LCA5: variants seen among roughly 807,000 people sequenced by gnomAD.
The protein encoded by LCA5 is lebercilin LCA5.
A neutral mutation model predicts 53.0 loss-of-function variants in LCA5; 37 were observed. That is an observed-to-expected ratio of 0.70 (90% CI 0.54 to 0.92). LCA5 has a LOEUF of 0.92. Ranked by LOEUF, LCA5 falls within the 40% of genes least tolerant of loss-of-function variation. The pLI is 0.00. For synonymous variants in LCA5, 303 were observed against 282.9 expected (o/e 1.07, Z -0.71); for missense variants, 806 against 790.5 (o/e 1.02, Z -0.23).
At chr6:79,518,027 A>C (rs575169587) in intron 2 of LCA5, among the ~76,000 whole-genome samples, 1 of 152,296 alleles carries the variant, frequency 6.6e-6, no homozygotes, top group South Asian at 2.1e-4. Context: ...TGTAAACCTT[A>C]CATATTTTGT....
Position 79,513,720 on chromosome 6 carries a change from T to C in LCA5, c.212A>G (p.Lys71Arg), listed in dbSNP as rs745908133. The C allele has an allele frequency of 4.0e-5, 65 of 1,613,478 alleles. No individual in the cohort carries two copies. The highest frequency in any genetic ancestry group is 1.6e-4 in the Middle Eastern group (1 of 6,076). Residue 71 changes from lysine (K) to arginine (R), a missense_variant, in exon 3 of 8, where the codon AAG becomes AGG. Physicochemically the swap from Lys to Arg is conservative, Grantham distance 26. Coordinates refer to ENST00000369846, the MANE Select transcript of LCA5 (RefSeq NM_001122769.3). ...GACTCCCTTTCTGTTTGGTAGACCCTTAGGGCTTGGTTTCCGAGGGGCTAA... is the reference window on the plus strand; with the variant it reads ...GACTCCCTTTCTGTTTGGTAGACCCCTAGGGCTTGGTTTCCGAGGGGCTAA... The part of the protein sequence containing the change: ...HHQAPRKPSP[K>R]GLPNRKGVRV...
intron 2 of LCA5, among the ~76,000 whole-genome samples, chr6:79,515,189 C>T (rs1766391013): frequency 6.6e-6 from 1 of 151,886 alleles, no homozygotes; most frequent in Admixed American, 6.6e-5. Flanking sequence ...TCTATTTACC[C>T]AGCCCATAGA....
intron 1 of LCA5, among the ~76,000 whole-genome samples, chr6:79,525,005 T>C (rs1766739438): frequency 6.6e-6 from 1 of 152,108 alleles, no homozygotes; most frequent in African/African-American, 2.4e-5. Context: ...AACCATCATT[T>C]AAAAAATTAT....
chr6:79,522,754 A>G (rs1766658755), intron 1 of LCA5, among the ~76,000 whole-genome samples: 1 of 152,072 alleles, frequency 6.6e-6, no homozygotes, highest in South Asian at 2.1e-4. Flanking sequence ...TGGCATGATC[A>G]TGGCTTACTG....
intron 1 of LCA5, among the ~76,000 whole-genome samples, chr6:79,525,820 G>A (rs2127687002): frequency 6.6e-6 from 1 of 152,304 alleles, no homozygotes; most frequent in East Asian, 1.9e-4. Context: ...GTGTGGGGGC[G>A]GCAGGAGCCA....
chr6:79,501,768 T>C (rs1453197693), intron 3 of LCA5, among the ~76,000 whole-genome samples: 4 of 151,014 alleles, frequency 2.6e-5, no homozygotes, highest in East Asian at 1.9e-4. Context: ...GTATATACTA[T>C]ACTGAGTTCT....
At chr6:79,532,087 A>C (rs1193844555) in intron 1 of LCA5, among the ~76,000 whole-genome samples, 1 of 152,158 alleles carries the variant, frequency 6.6e-6, no homozygotes, top group Non-Finnish European at 1.5e-5. Flanking sequence ...TAAATGGTAA[A>C]TCCATCCACT....
At chr6:79,502,921 C>A (rs753495965) in intron 3 of LCA5, among the ~76,000 whole-genome samples, 1 of 152,034 alleles carries the variant, frequency 6.6e-6, no homozygotes, top group Admixed American at 6.6e-5. Flanking sequence ...CACTCTGTCG[C>A]GTAGGCTGGA....
chr6:79,511,905 CTTCT>C (rs377677103), intron 3 of LCA5, among the ~76,000 whole-genome samples: 1 of 152,078 alleles, frequency 6.6e-6, no homozygotes, highest in Non-Finnish European at 1.5e-5. Flanking sequence ...CTTCTTATTC[CTTCT>C]TTTTCTTCTC....
At chr6:79,531,910 G>T (rs143714682) in intron 1 of LCA5, among the ~76,000 whole-genome samples, 7 of 152,254 alleles carry the variant, frequency 4.6e-5, no homozygotes, top group Admixed American at 2.6e-4. Context: ...CTCCTTAGGT[G>T]ATTTCATCTA....
At chr6:79,520,259 T>C (rs1766588536) in intron 1 of LCA5, among the ~76,000 whole-genome samples, 1 of 152,088 alleles carries the variant, frequency 6.6e-6, no homozygotes, top group South Asian at 2.1e-4. Context: ...AAGCTACTGA[T>C]AATGTTTACA....
intron 1 of LCA5, among the ~76,000 whole-genome samples, chr6:79,536,091 G>C (rs1283662657): frequency 1.3e-5 from 2 of 152,148 alleles, no homozygotes; most frequent in East Asian, 1.9e-4. Flanking sequence ...TGTCAACTTA[G>C]AGAATCAAAA....
At chr6:79,524,631 T>C (rs1766726726) in intron 1 of LCA5, among the ~76,000 whole-genome samples, 4 of 152,202 alleles carry the variant, frequency 2.6e-5, no homozygotes, top group Admixed American at 2.6e-4. Context: ...AGTCAATTAA[T>C]GAACAGAAAG....
chr6:79,501,205 G>C (rs938804953), intron 3 of LCA5, among the ~76,000 whole-genome samples: 3 of 152,024 alleles, frequency 2.0e-5, no homozygotes, highest in Non-Finnish European at 4.4e-5. Flanking sequence ...GCTTATTTTA[G>C]GCCAGATTTT....
chr6:79,519,046 C>A lies in LCA5; in HGVS notation c.-152G>T. 1 of 839,228 alleles carries A rather than the reference C, an allele frequency of 1.2e-6. No individual in the cohort carries two copies. The highest frequency in any genetic ancestry group is 2.0e-6 in the Non-Finnish European group (1 of 507,912). The allele number at this position is 839,228 out of a possible 1,614,324, so 52.0% of individuals were successfully genotyped here. A position where few individuals can be genotyped will look rare whatever the true frequency, so the allele number is the denominator to read the frequency against. ...TTTTCTCCACAATGTATTTGTAGAC[C>A]ACAATTCACATTGGCATCCAGAAGA... is the stretch of plus-strand genomic sequence containing the variant. On this transcript the variant is annotated 5_prime_UTR_variant, in exon 2 of 8. Coordinates refer to ENST00000369846, the MANE Select transcript of LCA5 (RefSeq NM_001122769.3).
intron 7 of LCA5, chr6:79,488,240 CTT>C (rs1351895816): frequency 1.2e-5 from 2 of 173,534 alleles, no homozygotes; most frequent in Non-Finnish European, 2.4e-5. Flanking sequence ...CTGAGATAGA[CTT>C]ATGTGGTATT....
intron 5 of LCA5, among the ~76,000 whole-genome samples, chr6:79,492,278 T>G (rs1174755391): frequency 6.6e-6 from 1 of 151,976 alleles, no homozygotes; most frequent in Non-Finnish European, 1.5e-5. Context: ...CTTCGGGGTA[T>G]ATTTGCATAT....
At chr6:79,503,252 G>GT (rs2127674236) in intron 3 of LCA5, among the ~76,000 whole-genome samples, 1 of 152,314 alleles carries the variant, frequency 6.6e-6, no homozygotes. Context: ...ACAGTTCAAT[G>GT]TTTGAGTTGG....
chr6:79,515,840 A>C (rs954981418), intron 2 of LCA5, among the ~76,000 whole-genome samples: 4 of 152,080 alleles, frequency 2.6e-5, no homozygotes, highest in Admixed American at 6.6e-5. Context: ...CAGCTCTATA[A>C]ATGACTGAAT....
Sources: gnomAD v4.1 joint callset for allele counts (sites outside exome capture counted in the v4.1 genomes callset) on GRCh38, gnomAD v4.1.1 for gene constraint, MANE v1.5 for transcripts, NCBI Gene and HGNC (gene_info 2026-07-23, HGNC 2026-07-21) for gene names.